MAGI2: variants seen among roughly 807,000 people sequenced by gnomAD.
The protein encoded by MAGI2 is membrane-associated guanylate kinase, WW and PDZ domain-containing protein 2.
Under a neutral mutation model 133.3 loss-of-function variants are expected in MAGI2, and 35 were observed. The observed-to-expected ratio is 0.26, with a 90% CI of 0.20 to 0.35. The LOEUF is 0.35. Ranked by LOEUF, MAGI2 falls within the 10% of genes least tolerant of loss-of-function variation. MAGI2 has a pLI of 1.00. For synonymous variants in MAGI2, 729 were observed against 710.6 expected, an observed-to-expected ratio of 1.03 and a Z score of -0.41; for missense variants, 1,636 against 1,863.4, an observed-to-expected ratio of 0.88 and a Z score of 2.25.
At chr7:78,320,054 A>C (rs1396102932) in intron 9 of MAGI2, among the ~76,000 whole-genome samples, 1 of 152,108 alleles carries the variant, frequency 6.6e-6, no homozygotes, top group African/African-American at 2.4e-5. Flanking sequence ...GGACACATGC[A>C]CTCTCCCGAG....
chr7:78,552,560 T>C (rs1799442950), intron 3 of MAGI2, among the ~76,000 whole-genome samples: 2 of 152,262 alleles, frequency 1.3e-5, no homozygotes, highest in East Asian at 1.9e-4. Context: ...TATTAAACAT[T>C]TGTAAAGGTA....
intron 1 of MAGI2, among the ~76,000 whole-genome samples, chr7:79,008,237 C>A (rs1263565738): frequency 6.6e-6 from 1 of 152,030 alleles, no homozygotes; most frequent in Non-Finnish European, 1.5e-5. Context: ...AAATTATATT[C>A]CTTCAAATCC....
At chr7:79,425,983 A>G (rs1234120688) in intron 1 of MAGI2, among the ~76,000 whole-genome samples, 1 of 152,222 alleles carries the variant, frequency 6.6e-6, no homozygotes, top group Admixed American at 6.5e-5. Flanking sequence ...AAAGAAATAC[A>G]CAAATGATTG....
chr7:79,334,911 T>A (rs1413765274), intron 1 of MAGI2, among the ~76,000 whole-genome samples: 1 of 152,102 alleles, frequency 6.6e-6, no homozygotes, highest in African/African-American at 2.4e-5. Context: ...TTATAAACAA[T>A]TTTCATGGGC....
At chr7:79,242,980 G>A (rs188504562) in intron 1 of MAGI2, among the ~76,000 whole-genome samples, 2 of 152,038 alleles carry the variant, frequency 1.3e-5, no homozygotes, top group African/African-American at 2.4e-5. Context: ...ACTTTGGGAG[G>A]CTGAGGTGGG....
chr7:79,068,170 G>C (rs1327555489), intron 1 of MAGI2, among the ~76,000 whole-genome samples: 1 of 152,226 alleles, frequency 6.6e-6, no homozygotes, highest in African/African-American at 2.4e-5. Context: ...AATACTTTCA[G>C]AAGGAATGGT....
intron 1 of MAGI2, among the ~76,000 whole-genome samples, chr7:79,420,071 G>A (rs1177792010): frequency 2.6e-5 from 4 of 151,988 alleles, no homozygotes; most frequent in Non-Finnish European, 5.9e-5. Flanking sequence ...CTTTGCTGAG[G>A]ACCATCTAAC....
rs1204321911 is a variant in MAGI2, at chr7:78,857,417, G to A, written c.418+149673C>T. On this transcript the variant is annotated intron_variant, in intron 2 of 21. Transcript: ENST00000354212. ...TCATAGATAGCTCTTACTATTTTGA[G>A]ATACTTCCCATCAATACCTAATTTA... Among the ~76,000 whole-genome samples the A allele has an allele frequency of 2.0e-5, 3 of 152,248 alleles. No homozygotes were observed. In the East Asian group the frequency reaches 5.8e-4, roughly 29 times the overall value.
intron 1 of MAGI2, among the ~76,000 whole-genome samples, chr7:79,278,749 A>T (rs1310785225): frequency 6.6e-6 from 1 of 152,164 alleles, no homozygotes; most frequent in African/African-American, 2.4e-5. Context: ...TGAAGGAAAG[A>T]GCACTGCTTT....
At chr7:78,345,680 A>C in intron 8 of MAGI2, 1 of 457,856 alleles carries the variant, frequency 2.2e-6, no homozygotes. Context: ...AAATCCATTA[A>C]TCTCCACGTG....
Position 78,759,547 on chromosome 7 carries a change from A to T in MAGI2, c.419-132308T>A, listed in dbSNP as rs542315541. ...CTTATTTTCTCTAGATGTGAATGTT[A>T]AAATGGCAAATTTAATGTGACAATG... On this transcript the variant is annotated intron_variant, in intron 2 of 21. Transcript: ENST00000354212. Among the ~76,000 whole-genome samples, 10 of 152,306 alleles carry T rather than the reference A, an allele frequency of 6.6e-5. No individual in the cohort carries two copies. In the South Asian group the frequency reaches 1.4e-3, roughly 22 times the overall value.
chr7:79,137,052 G>C (rs1413317443), intron 1 of MAGI2, among the ~76,000 whole-genome samples: 2 of 151,956 alleles, frequency 1.3e-5, no homozygotes, highest in African/African-American at 2.4e-5. Flanking sequence ...TGCGATCTTG[G>C]CTCACTGTAA....
chr7:79,293,558 T>G (rs752539115), intron 1 of MAGI2, among the ~76,000 whole-genome samples: 3 of 151,820 alleles, frequency 2.0e-5, no homozygotes, highest in Non-Finnish European at 2.9e-5. Context: ...GTAGATAATA[T>G]TTGTCTGGCA....
chr7:78,624,164 G>A (rs1476191127), intron 3 of MAGI2, among the ~76,000 whole-genome samples: 1 of 151,894 alleles, frequency 6.6e-6, no homozygotes, highest in Non-Finnish European at 1.5e-5. Flanking sequence ...ACTTTTTAAT[G>A]CAGTTATTTT....
At chr7:78,525,997 C>T (rs1796917954) in intron 3 of MAGI2, among the ~76,000 whole-genome samples, 1 of 152,142 alleles carries the variant, frequency 6.6e-6, no homozygotes, top group Admixed American at 6.6e-5. Context: ...TAGGGTGCTA[C>T]TTTTGGTATT....
intron 1 of MAGI2, among the ~76,000 whole-genome samples, chr7:79,434,711 T>C (rs1408314297): frequency 6.6e-6 from 1 of 152,208 alleles, no homozygotes; most frequent in African/African-American, 2.4e-5. Context: ...TTATTAGTTA[T>C]GGACAGAGGT....
chr7:78,099,552 T>C (rs944655559), intron 20 of MAGI2, among the ~76,000 whole-genome samples: 1 of 152,210 alleles, frequency 6.6e-6, no homozygotes, highest in Non-Finnish European at 1.5e-5. Flanking sequence ...ATAAGGCTTT[T>C]ACCTAATAGA....
At chr7:78,027,677 C>G (rs1363286983) in intron 21 of MAGI2, among the ~76,000 whole-genome samples, 8 of 150,224 alleles carry the variant, frequency 5.3e-5, no homozygotes, top group Admixed American at 4.7e-4. Context: ...GACCTGCAAT[C>G]AGAGAACAAT....
intron 2 of MAGI2, among the ~76,000 whole-genome samples, chr7:78,935,245 CT>C (rs1254036632): frequency 1.3e-5 from 2 of 152,044 alleles, no homozygotes; most frequent in Non-Finnish European, 2.9e-5. Flanking sequence ...AATAAATAGT[CT>C]TTTTTTATTC....
Sources: allele counts gnomAD v4.1 joint callset (sites outside exome capture counted in the v4.1 genomes callset), GRCh38; gene constraint gnomAD v4.1.1; transcripts MANE v1.5; gene names NCBI Gene and HGNC (gene_info 2026-07-23, HGNC 2026-07-21).